Variants in TENM3 observed in about 807,000 individuals in gnomAD.
The protein encoded by TENM3 is teneurin-3.
In TENM3, 63 loss-of-function variants were observed where a neutral mutation model predicts 255.1. The ratio of observed to expected loss-of-function variants is 0.25; its 90% CI spans 0.20 to 0.30. The LOEUF (loss-of-function observed/expected upper bound fraction) is 0.30, where lower values mean the gene tolerates loss of function less well. Ranked by LOEUF, TENM3 falls within the 10% of genes least tolerant of loss-of-function variation. The probability of loss-of-function intolerance (pLI) is 1.00; values close to 1 mark genes in which losing one functional copy is unlikely to be tolerated. For synonymous variants in TENM3, 1,306 were observed against 1,322.3 expected (o/e 0.99, Z 0.27); for missense variants, 2,929 against 3,461.1 (o/e 0.85, Z 3.86).
At chr4:181,492,249 G>A in the TENM3 span, among the ~76,000 whole-genome samples, 1 of 152,110 alleles carries the variant, frequency 6.6e-6, no homozygotes, top group Admixed American at 6.6e-5. Context: ...ATAAAATTAA[G>A]CTTGTACACA....
intron 1 of TENM3, among the ~76,000 whole-genome samples, chr4:182,271,889 G>T (rs1404916503): frequency 1.3e-5 from 2 of 152,218 alleles, no homozygotes; most frequent in Non-Finnish European, 2.9e-5. Flanking sequence ...AATTTTTTCT[G>T]TGAGAGCAGG....
At chr4:181,934,500 G>C in the TENM3 span, among the ~76,000 whole-genome samples, 1 of 152,080 alleles carries the variant, frequency 6.6e-6, no homozygotes, top group Admixed American at 6.6e-5. Context: ...GTTCTAACAA[G>C]CCATAATGTT....
At chr4:182,164,424 T>C (rs1458108723) in intron 1 of TENM3, among the ~76,000 whole-genome samples, 5 of 152,176 alleles carry the variant, frequency 3.3e-5, no homozygotes, top group Admixed American at 3.3e-4. Flanking sequence ...CTTCCATTTG[T>C]CTTCCACCCC....
intron 2 of TENM3, among the ~76,000 whole-genome samples, chr4:182,339,910 T>TA (rs5864779): frequency 0.023 from 3,461 of 150,606 alleles, 52 homozygotes; most frequent in Middle Eastern, 0.034. Context: ...GTTTTTGATT[T>TA]AAAAAAAAAA....
rs763672494 is a variant in TENM3, at chr4:182,792,703, G to C, written c.6031G>C (p.Gly2011Arg). 1.3e-5 allele frequency: 21 copies of C among 1,613,908 alleles called. No individual in the cohort carries two copies. Among genetic ancestry groups the C allele is most frequent in the Non-Finnish European group, 1.8e-5 (21 of 1,179,882 alleles). Residue 2011 changes from glycine (G) to arginine (R), a missense_variant, in exon 26 of 28, where the codon GGG (glycine) becomes CGG (arginine). Transcript: ENST00000511685. The surrounding 1 kb of genome is among the most constrained non-coding windows in gnomAD (Gnocchi z 6.3). Reference sequence around the variant, plus strand: ...GCAGATTTTCCGCTTTAGTGAAGATGGGATGGTAAATGCAAGATTTGACTA... The same window carrying C: ...GCAGATTTTCCGCTTTAGTGAAGATCGGATGGTAAATGCAAGATTTGACTA... Reference protein sequence around the residue: ...DRQIFRFSEDGMVNARFDYSY... With the variant: ...DRQIFRFSEDRMVNARFDYSY...
At chr4:182,578,667 G>T (rs1014545636) in intron 3 of TENM3, among the ~76,000 whole-genome samples, 74 of 152,166 alleles carry the variant, frequency 4.9e-4, no homozygotes, top group African/African-American at 1.7e-3. Flanking sequence ...TTGTACTCTG[G>T]AAGAGCACTC....
chr4:182,315,434 G>C (rs1415129808), intron 1 of TENM3, among the ~76,000 whole-genome samples: 1 of 151,292 alleles, frequency 6.6e-6, no homozygotes, highest in Non-Finnish European at 1.5e-5. Flanking sequence ...GTACTTTAAA[G>C]ATTTTGTCAT....
chr4:182,385,686 A>T (rs1327740151), intron 3 of TENM3, among the ~76,000 whole-genome samples: 1 of 152,248 alleles, frequency 6.6e-6, no homozygotes, highest in Non-Finnish European at 1.5e-5. Flanking sequence ...TAAATGGGAA[A>T]TGAAACAAAA....
At chr4:181,600,151 C>T in the TENM3 span, among the ~76,000 whole-genome samples, 1 of 152,144 alleles carries the variant, frequency 6.6e-6, no homozygotes, top group African/African-American at 2.4e-5. Flanking sequence ...TACATTGTTC[C>T]TTATTGTTGT....
intron 1 of TENM3, among the ~76,000 whole-genome samples, chr4:182,236,907 G>A (rs192548234): frequency 6.2e-4 from 95 of 152,298 alleles, no homozygotes; most frequent in African/African-American, 2.2e-3. Context: ...AGATAAATGT[G>A]TGCCCTGGTG....
chr4:181,531,412 T>G, the TENM3 span, among the ~76,000 whole-genome samples: 1 of 152,234 alleles, frequency 6.6e-6, no homozygotes, highest in Non-Finnish European at 1.5e-5. Context: ...GACTTATGCA[T>G]AAGTATCCCA....
At chr4:182,706,878 C>T (rs1399992049) in intron 12 of TENM3, among the ~76,000 whole-genome samples, 4 of 150,932 alleles carry the variant, frequency 2.7e-5, no homozygotes, top group Admixed American at 6.6e-5. Context: ...CACCCAAGCC[C>T]GGGAAGTTGA....
rs139627617 is a variant in TENM3 at position 182,633,460 on chromosome 4, AC to A, written c.988+4573del. On this transcript the variant is annotated intron_variant, in intron 5 of 27. Coordinates refer to ENST00000511685, the MANE Select transcript of TENM3 (RefSeq NM_001080477.4). ...TGAGCAAAAAGAGAAGAAAGGCGAT[AC>A]CTACGTTTTGCTGTAGATTTGGGGG... Among the ~76,000 whole-genome samples the A allele has an allele frequency of 8.3e-3, 1,266 of 152,344 alleles. 17 individuals carry two copies. The highest frequency in any genetic ancestry group is 0.029 in the African/African-American group (1,199 of 41,580).
chr4:182,587,602 G>C (rs1217325718), intron 3 of TENM3, among the ~76,000 whole-genome samples: 1 of 151,800 alleles, frequency 6.6e-6, no homozygotes, highest in African/African-American at 2.4e-5. Context: ...TGTAGAGATG[G>C]ATTTTGTCAT....
the TENM3 span, among the ~76,000 whole-genome samples, chr4:181,718,871 C>A: frequency 6.6e-6 from 1 of 152,168 alleles, no homozygotes; most frequent in South Asian, 2.1e-4. Flanking sequence ...AAAACAGACA[C>A]CACTTATGCA....
the TENM3 span, among the ~76,000 whole-genome samples, chr4:181,659,330 C>T: frequency 6.6e-5 from 10 of 151,990 alleles, no homozygotes; most frequent in Admixed American, 5.2e-4. Context: ...CTACTTTGAC[C>T]GCTTTACTTT....
the TENM3 span, among the ~76,000 whole-genome samples, chr4:181,734,025 G>A: frequency 2.0e-5 from 3 of 152,132 alleles, no homozygotes; most frequent in Admixed American, 6.6e-5. Flanking sequence ...AGCCATAAAC[G>A]TATCTTTGAA....
chr4:182,731,456 C>G (rs1227629003), intron 16 of TENM3, among the ~76,000 whole-genome samples: 1 of 151,602 alleles, frequency 6.6e-6, no homozygotes, highest in Admixed American at 6.6e-5. Context: ...TGCAGTGAGC[C>G]GAGATCACAC....
the TENM3 span, among the ~76,000 whole-genome samples, chr4:181,673,548 G>A: frequency 6.6e-6 from 1 of 152,042 alleles, no homozygotes; most frequent in East Asian, 1.9e-4. Flanking sequence ...AGAGCTCAGG[G>A]GAGAGAGCAA....
Sources: gnomAD v4.1 joint callset for allele counts (sites outside exome capture counted in the v4.1 genomes callset) on GRCh38, gnomAD v4.1.1 for gene constraint, Gnocchi (gnomAD v3.1) non-coding constraint, MANE v1.5 for transcripts, NCBI Gene and HGNC (gene_info 2026-07-23, HGNC 2026-07-21) for gene names.